The following UBXN10 variants were observed in gnomAD, a reference collection of about 807,000 sequenced individuals.
UBXN10 encodes the protein UBX domain protein 10.
In UBXN10, 6 loss-of-function variants were observed where a neutral mutation model predicts 6.9. That is an observed-to-expected ratio of 0.87 (90% confidence interval 0.48 to 1.72). UBXN10 has a LOEUF of 1.72. Ranked by LOEUF, UBXN10 falls within the 40% of genes most tolerant of loss-of-function variation. The pLI is 0.01. For missense variants in UBXN10, 317 were observed against 348.4 expected (o/e 0.91, Z 0.72); for synonymous variants, 131 against 135.2 (o/e 0.97, Z 0.21).
Position 20,187,713 on chromosome 1 carries a change from A to G in UBXN10, c.-16+1560A>G, listed in dbSNP as rs947108695. Among the ~76,000 whole-genome samples, 1 of 152,324 alleles carries G rather than the reference A, an allele frequency of 6.6e-6. No homozygotes were observed. Among genetic ancestry groups the G allele is most frequent in the African/African-American group, 2.4e-5 (1 of 41,574 alleles). ...TTTTTCTCTGAGATAGCTCACAGTC[A>G]TGTTATCTTATGACCAGGGTGTCTT... is the stretch of plus-strand genomic sequence containing the variant. On this transcript the variant is annotated intron_variant, in intron 1 of 1. Transcript: ENST00000375099. The surrounding 1 kb of genome is among the most constrained non-coding windows in gnomAD (Gnocchi z 4.6).
In UBXN10 at chr1:20,192,853, T is replaced by C. The variant is rs555197021; in HGVS notation, c.*1449T>C. 63 of 167,290 alleles carry C rather than the reference T, an allele frequency of 3.8e-4. No individual in the cohort carries two copies. Among genetic ancestry groups the C allele is most frequent in the South Asian group, 1.2e-3 (6 of 4,828 alleles). The allele number at this position is 167,290 out of a possible 1,614,324, so 10.4% of individuals were successfully genotyped here. ...GTTGGGAGTGTTTTTTCTCGCACGT[T>C]GAGGCTTAGTGGAGATGGGCACCAC... On this transcript the variant is annotated 3_prime_UTR_variant, in exon 2 of 2. Coordinates refer to ENST00000375099, the MANE Select transcript of UBXN10 (RefSeq NM_152376.5).
chr1:20,185,693 TC>T (rs1444215158), upstream of UBXN10, among the ~76,000 whole-genome samples: 4 of 152,090 alleles, frequency 2.6e-5, no homozygotes, highest in Admixed American at 2.6e-4. Flanking sequence ...AGTTTAGGGT[TC>T]CGAGAATCCA....
chr1:20,189,831 A>G (rs557935071), intron 1 of UBXN10, among the ~76,000 whole-genome samples: 1 of 152,256 alleles, frequency 6.6e-6, no homozygotes, highest in Non-Finnish European at 1.5e-5. Flanking sequence ...GTATGGGTAC[A>G]GAGGACACAG....
In UBXN10 at chr1:20,194,660, G is replaced by A. The variant is rs1045198560; in HGVS notation, c.*3256G>A. 1.8e-5 allele frequency: 3 copies of A among 167,048 alleles called. No individual in the cohort carries two copies. The highest frequency in any genetic ancestry group is 2.9e-5 in the Non-Finnish European group (2 of 68,116). The allele number at this position is 167,048 out of a possible 1,614,324, so 10.3% of individuals were successfully genotyped here. A position where few individuals can be genotyped will look rare whatever the true frequency, so the allele number is the denominator to read the frequency against. ...TGCTCTTACCTGCCGTTTTAAATGGGTTTCTAATGTCAAATAAAGCCACCC... is the reference window on the plus strand; with the variant it reads ...TGCTCTTACCTGCCGTTTTAAATGGATTTCTAATGTCAAATAAAGCCACCC... On this transcript the variant is annotated 3_prime_UTR_variant, in exon 2 of 2. Transcript: ENST00000375099.
rs1247054705 is a variant in UBXN10 at position 20,187,538 on chromosome 1, C to T, written c.-16+1385C>T. 6.6e-6 allele frequency among the ~76,000 whole-genome samples: 1 copy of T among 152,306 alleles called. No homozygotes were observed. The highest frequency in any genetic ancestry group is 1.9e-4 in the East Asian group (1 of 5,188). On this transcript the variant is annotated intron_variant, in intron 1 of 1. Coordinates refer to ENST00000375099, the MANE Select transcript of UBXN10 (RefSeq NM_152376.5). The surrounding 1 kb of genome is among the most constrained non-coding windows in gnomAD (Gnocchi z 4.6). ...CCTGTGTGATGGGTGCTGGGGAGAGCTGGTGTTCCCTCCGTGTAACAGATG... is the reference window on the plus strand; with the variant it reads ...CCTGTGTGATGGGTGCTGGGGAGAGTTGGTGTTCCCTCCGTGTAACAGATG...
chr1:20,185,245 C>G (rs1191810913), upstream of UBXN10, among the ~76,000 whole-genome samples: 2 of 152,170 alleles, frequency 1.3e-5, no homozygotes, highest in East Asian at 3.9e-4. Flanking sequence ...CCTCGTGTTT[C>G]TGTTACACCA....
At position 20,193,578 on chromosome 1, in the gene UBXN10, G is replaced by A. The variant is rs2018547375; in HGVS notation, c.*2174G>A. The A allele has an allele frequency of 6.0e-6, 1 of 167,060 alleles. No individual in the cohort carries two copies. The highest frequency in any genetic ancestry group is 1.5e-5 in the Non-Finnish European group (1 of 68,136). The allele number at this position is 167,060 out of a possible 1,614,324, so 10.3% of individuals were successfully genotyped here. A position where few individuals can be genotyped will look rare whatever the true frequency, so the allele number is the denominator to read the frequency against. ...TTCAGCTCCCACACACGACTGGACAGAGGGGTGTGTTAGCCTGATCTTCAG... is the reference window on the plus strand; with the variant it reads ...TTCAGCTCCCACACACGACTGGACAAAGGGGTGTGTTAGCCTGATCTTCAG... On this transcript the variant is annotated 3_prime_UTR_variant, in exon 2 of 2. Coordinates refer to ENST00000375099, the MANE Select transcript of UBXN10 (RefSeq NM_152376.5).
In UBXN10 at chr1:20,193,881, C is replaced by T. The variant is rs144267203; in HGVS notation, c.*2477C>T. ...GCCCCCTGTCCTAAATGGGCTCAAC[C>T]GGCCTAGCACACTCCTCTTGGTGGC... On this transcript the variant is annotated 3_prime_UTR_variant, in exon 2 of 2. Coordinates refer to ENST00000375099, the MANE Select transcript of UBXN10 (RefSeq NM_152376.5). 3.2e-3 allele frequency: 532 copies of T among 167,152 alleles called. 3 individuals are homozygous for T. Among genetic ancestry groups the T allele is most frequent in the African/African-American group, 0.012 (504 of 41,538 alleles). The allele number at this position is 167,152 out of a possible 1,614,324, so 10.4% of individuals were successfully genotyped here.
chr1:20,189,585 A>G (rs1047820269), intron 1 of UBXN10, among the ~76,000 whole-genome samples: 6 of 152,138 alleles, frequency 3.9e-5, no homozygotes, highest in African/African-American at 1.4e-4. Flanking sequence ...CAGGGTGCCT[A>G]TCGGGTAGCT....
chr1:20,185,576 T>C (rs1192101910), upstream of UBXN10, among the ~76,000 whole-genome samples: 1 of 151,932 alleles, frequency 6.6e-6, no homozygotes, highest in African/African-American at 2.4e-5. Flanking sequence ...GGCCCCGGAG[T>C]GGGAGGCTGA....
At position 20,191,274 on chromosome 1, in the gene UBXN10, A is replaced by G; in HGVS notation, c.713A>G (p.His238Arg). 6.2e-7 allele frequency: 1 copy of G among 1,614,178 alleles called. No individual in the cohort carries two copies. The highest frequency in any genetic ancestry group is 8.5e-7 in the Non-Finnish European group (1 of 1,180,032). The change falls in exon 2 of 2, where the codon CAC (histidine) becomes CGC (arginine). Residue 238 changes from histidine (H) to arginine (R), a missense_variant. Coordinates refer to ENST00000375099, the MANE Select transcript of UBXN10 (RefSeq NM_152376.5). The surrounding 1 kb of genome is among the most constrained non-coding windows in gnomAD (Gnocchi z 4.5). ...CAGAAAAACAAAACCTCCTACCGAC[A>G]CTGCAGCATTGAAACAATGGAGGTG... ...AEQKNKTSYR[H>R]CSIETMEVPR...
At chr1:20,185,956 C>G (rs1252913646), upstream of UBXN10, 1 of 152,266 alleles carries the variant, frequency 6.6e-6, no homozygotes, top group African/African-American at 2.4e-5. Context: ...CGCAATCCAC[C>G]GACCTGGAGT....
rs2018555981 is a variant in UBXN10, at chr1:20,193,837, A to T, written c.*2433A>T. ...AATTCAGAGTTCCTGATGGCTCCAC[A>T]TGTTGCATTGCAGCTGAGGCCCCCT... On this transcript the variant is annotated 3_prime_UTR_variant, in exon 2 of 2. Coordinates refer to ENST00000375099, the MANE Select transcript of UBXN10 (RefSeq NM_152376.5). 1 of 167,010 alleles carries T rather than the reference A, an allele frequency of 6.0e-6. No homozygotes were observed. Among genetic ancestry groups the T allele is most frequent in the Non-Finnish European group, 1.5e-5 (1 of 68,100 alleles). 10.3% of individuals were successfully genotyped at this position (167,010 alleles called of 1,614,324 possible).
At chr1:20,184,308 A>G (rs1198701614), upstream of UBXN10, 1 of 152,206 alleles carries the variant, frequency 6.6e-6, no homozygotes, top group Non-Finnish European at 1.5e-5. Context: ...AATCCACTTT[A>G]ATCTTTTTTG....
Position 20,191,592 on chromosome 1 carries a change from G to A in UBXN10, c.*188G>A. 1 of 856,096 alleles carries A rather than the reference G, an allele frequency of 1.2e-6. No individual in the cohort carries two copies. Among genetic ancestry groups the A allele is most frequent in the South Asian group, 2.1e-5 (1 of 46,994 alleles). The allele number at this position is 856,096 out of a possible 1,614,324, so 53.0% of individuals were successfully genotyped here. A position where few individuals can be genotyped will look rare whatever the true frequency, so the allele number is the denominator to read the frequency against. On this transcript the variant is annotated 3_prime_UTR_variant, in exon 2 of 2. Coordinates refer to ENST00000375099, the MANE Select transcript of UBXN10 (RefSeq NM_152376.5). This position sits in a 1 kb window ranked among gnomAD's most constrained non-coding sequence, Gnocchi z 4.5. ...GTGCCTATGCCGAGCGCGCTAAGAA[G>A]TCTCCCTTCCAGCTGTTCCATTCTC...
Position 20,195,444 on chromosome 1 carries a change from G to A in UBXN10, c.*4040G>A, listed in dbSNP as rs2018583357. 3 of 167,276 alleles carry A rather than the reference G, an allele frequency of 1.8e-5. No individual in the cohort carries two copies. The Admixed American group carries it at 2.0e-4, about 11-fold the overall frequency. The allele number at this position is 167,276 out of a possible 1,614,324, so 10.4% of individuals were successfully genotyped here. A position where few individuals can be genotyped will look rare whatever the true frequency, so the allele number is the denominator to read the frequency against. ...ATGAAGGTGACCAGAGAGAGGTGAT[G>A]GTGGTTCGGGCCAGGGTGGTAGCCA... On this transcript the variant is annotated 3_prime_UTR_variant, in exon 2 of 2. Transcript: ENST00000375099.
At chr1:20,189,225 A>T (rs12754782) in intron 1 of UBXN10, among the ~76,000 whole-genome samples, 1 of 151,958 alleles carries the variant, frequency 6.6e-6, no homozygotes, top group Non-Finnish European at 1.5e-5. Context: ...GAATCACTGG[A>T]AAGTCACCAG....
rs1281102082 is a variant in UBXN10, at chr1:20,193,093, A to C, written c.*1689A>C. The C allele has an allele frequency of 6.0e-6, 1 of 167,142 alleles. No individual in the cohort carries two copies. Among genetic ancestry groups the C allele is most frequent in the Non-Finnish European group, 1.5e-5 (1 of 68,152 alleles). The allele number at this position is 167,142 out of a possible 1,614,324, so 10.4% of individuals were successfully genotyped here. A position where few individuals can be genotyped will look rare whatever the true frequency, so the allele number is the denominator to read the frequency against. ...ACCTCTTCCCGTTAATGACCACAGC[A>C]GACAGAATTTGAGCCCAGCACCTAA... is the stretch of plus-strand genomic sequence containing the variant. On this transcript the variant is annotated 3_prime_UTR_variant, in exon 2 of 2. Coordinates refer to ENST00000375099, the MANE Select transcript of UBXN10 (RefSeq NM_152376.5).
rs755577762 is a variant in UBXN10 at position 20,190,589 on chromosome 1, G to A, written c.28G>A (p.Ala10Thr). MATEAPVNI[A>T]PPECSTVVST... Reference sequence around the variant, plus strand: ...GGCCACAGAAGCCCCTGTGAATATAGCACCACCTGAGTGTAGCACTGTTGT... The same window carrying A: ...GGCCACAGAAGCCCCTGTGAATATAACACCACCTGAGTGTAGCACTGTTGT... The change falls in exon 2 of 2, where the codon GCA (alanine) becomes ACA (threonine). Residue 10 changes from alanine (A) to threonine (T), a missense_variant. Transcript: ENST00000375099. 1.5e-5 allele frequency: 24 copies of A among 1,614,022 alleles called. No individual in the cohort carries two copies. The highest frequency in any genetic ancestry group is 1.9e-5 in the Non-Finnish European group (22 of 1,179,924).
Sources: allele counts gnomAD v4.1 joint callset (sites outside exome capture counted in the v4.1 genomes callset), GRCh38; gene constraint gnomAD v4.1.1; non-coding constraint Gnocchi (gnomAD v3.1); transcripts MANE v1.5; gene names NCBI Gene and HGNC (gene_info 2026-07-23, HGNC 2026-07-21).